Variants in ZC3H7B observed in about 807,000 individuals in gnomAD.
ZC3H7B encodes the protein zinc finger CCCH domain-containing protein 7B.
Under a neutral mutation model 116.0 loss-of-function variants are expected in ZC3H7B, and 35 were observed. The ratio of observed to expected loss-of-function variants is 0.30; its 90% CI spans 0.23 to 0.40. The LOEUF (loss-of-function observed/expected upper bound fraction) is 0.40. Ranked by LOEUF, ZC3H7B falls within the 10% of genes least tolerant of loss-of-function variation. The pLI is 1.00. For synonymous variants in ZC3H7B, 502 were observed against 545.6 expected (o/e 0.92, Z 1.11); for missense variants, 1,011 against 1,321.5 (o/e 0.77, Z 3.64).
intron 6 of ZC3H7B, among the ~76,000 whole-genome samples, chr22:41,330,994 C>T (rs1043686228): frequency 1.7e-4 from 25 of 145,230 alleles, no homozygotes; most frequent in Admixed American, 2.1e-4. Flanking sequence ...TCGGCCTCTC[C>T]GAGTAGCTGG....
chr22:41,356,601 C>T (rs2036721720), intron 21 of ZC3H7B, 44 bp from the exon 22 acceptor site: 1 of 1,611,862 alleles, frequency 6.2e-7, no homozygotes, highest in Admixed American at 1.7e-5. Context: ...GTGGTCCGGG[C>T]AGAGGTGTGG....
chr22:41,318,773 ATC>A (rs1388813041), intron 1 of ZC3H7B, among the ~76,000 whole-genome samples: 3 of 152,028 alleles, frequency 2.0e-5, no homozygotes, highest in Non-Finnish European at 4.4e-5. Context: ...CTTCCTGCTA[ATC>A]TCTCTGACCT....
chr22:41,309,878 A>G (rs1278892598), intron 1 of ZC3H7B, among the ~76,000 whole-genome samples: 1 of 152,058 alleles, frequency 6.6e-6, no homozygotes, highest in Non-Finnish European at 1.5e-5. Context: ...CCCTTGCCAA[A>G]CAGCCCACGA....
intron 10 of ZC3H7B, among the ~76,000 whole-genome samples, chr22:41,340,881 G>T (rs1166747812): frequency 6.6e-6 from 1 of 152,160 alleles, no homozygotes; most frequent in Non-Finnish European, 1.5e-5. Flanking sequence ...GCAAGTTTAA[G>T]CAAAGAGTGG....
At chr22:41,320,960 C>T (rs1381582981) in intron 2 of ZC3H7B, among the ~76,000 whole-genome samples, 1 of 152,170 alleles carries the variant, frequency 6.6e-6, no homozygotes, top group Non-Finnish European at 1.5e-5. Flanking sequence ...TAATTCTGCC[C>T]TCACCCTTCA....
rs936073423 is a variant in ZC3H7B at position 41,342,407 on chromosome 22, G to C, written c.1198-122G>C. On this transcript the variant is annotated intron_variant, in intron 11 of 22. Coordinates refer to ENST00000352645, the MANE Select transcript of ZC3H7B (RefSeq NM_017590.6). Reference sequence around the variant, plus strand: ...AGGAAGAGGAAGGGTCCTGGGCTGTGGTTTTGCTCTTGGGTAGGATAGGGG... The same window carrying C: ...AGGAAGAGGAAGGGTCCTGGGCTGTCGTTTTGCTCTTGGGTAGGATAGGGG... 6.1e-5 allele frequency: 50 copies of C among 820,162 alleles called. 1 individual carries two copies. The highest frequency in any genetic ancestry group is 4.4e-4 in the Admixed American group (21 of 47,954). 50.8% of individuals were successfully genotyped at this position (820,162 alleles called of 1,614,324 possible).
Position 41,325,860 on chromosome 22 carries a change from T to C in ZC3H7B, c.227T>C (p.Leu76Pro). 6.2e-7 allele frequency: 1 copy of C among 1,612,294 alleles called. No homozygotes were observed. The highest frequency in any genetic ancestry group is 8.5e-7 in the Non-Finnish European group (1 of 1,179,662). The change falls in exon 4 of 23, where the codon CTG (leucine) becomes CCG (proline). Residue 76 changes from leucine (L) to proline (P), a missense_variant. By Grantham distance (98) the Leu-to-Pro change is moderately conservative (BLOSUM62 -3). Coordinates refer to ENST00000352645, the MANE Select transcript of ZC3H7B (RefSeq NM_017590.6). ...TACGCTGCCTCTGACCAGGTGGCCC[T>C]GCCCCGGGAGCTGCTGTGCAAGCTG... ...ADYAASDQVALPRELLCKLHV... is the reference protein window; with the variant it reads ...ADYAASDQVAPPRELLCKLHV...
intron 6 of ZC3H7B, among the ~76,000 whole-genome samples, chr22:41,331,719 A>G (rs912906746): frequency 6.6e-6 from 1 of 151,916 alleles, no homozygotes; most frequent in South Asian, 2.1e-4. Context: ...AAAAGTACAA[A>G]AATTAGCCTG....
chr22:41,337,832 G>C (rs1259946169), intron 7 of ZC3H7B, among the ~76,000 whole-genome samples: 1 of 151,436 alleles, frequency 6.6e-6, no homozygotes, highest in Non-Finnish European at 1.5e-5. Context: ...CCCCTTGCTG[G>C]GCACCACAGG....
intron 1 of ZC3H7B, among the ~76,000 whole-genome samples, chr22:41,307,790 C>CT (rs1468979175): frequency 2.0e-5 from 3 of 152,150 alleles, no homozygotes; most frequent in Non-Finnish European, 4.4e-5. Context: ...CTCAGAAAGA[C>CT]TAAGTTAACA....
intron 13 of ZC3H7B, among the ~76,000 whole-genome samples, chr22:41,344,476 C>T (rs1413147176): frequency 6.6e-6 from 1 of 152,240 alleles, no homozygotes; most frequent in African/African-American, 2.4e-5. Context: ...TGCACTGACC[C>T]TCCCTGATTC....
Position 41,358,666 on chromosome 22 carries a change from C to A in ZC3H7B, c.*1237C>A. On this transcript the variant is annotated 3_prime_UTR_variant, in exon 23 of 23. Coordinates refer to ENST00000352645, the MANE Select transcript of ZC3H7B (RefSeq NM_017590.6). ...TATAACCGTCTGTCCTAGCCCCTCC[C>A]TAATCCCTGGCCCTCCCAGCTGTCT... 6.5e-6 allele frequency: 1 copy of A among 154,766 alleles called. No homozygotes were observed. 9.6% of individuals were successfully genotyped at this position (154,766 alleles called of 1,614,324 possible).
rs914713087 is a variant in ZC3H7B, at chr22:41,357,802, A to G, written c.*373A>G. ...GCCTGGGGTCCCCACTTGAATCTCC[A>G]GCAGGAGGGTCCTTCTCTCCCTGGC... On this transcript the variant is annotated 3_prime_UTR_variant, in exon 23 of 23. Coordinates refer to ENST00000352645, the MANE Select transcript of ZC3H7B (RefSeq NM_017590.6). This position sits in a 1 kb window ranked among gnomAD's most constrained non-coding sequence, Gnocchi z 5.4. The G allele has an allele frequency of 1.7e-5, 5 of 286,872 alleles. No homozygotes were observed. The highest frequency in any genetic ancestry group is 2.7e-5 in the Non-Finnish European group (4 of 149,322). The allele number at this position is 286,872 out of a possible 1,614,324, so 17.8% of individuals were successfully genotyped here.
chr22:41,330,804 T>C (rs985522164), intron 6 of ZC3H7B, among the ~76,000 whole-genome samples: 2 of 148,398 alleles, frequency 1.3e-5, no homozygotes, highest in Admixed American at 1.3e-4. Flanking sequence ...TAGCTTGGGG[T>C]GGTGGCACAT....
Position 41,356,072 on chromosome 22 carries a change from C to T in ZC3H7B, c.2383+10C>T, listed in dbSNP as rs1347860996. 1 of 1,559,236 alleles carries T rather than the reference C, an allele frequency of 6.4e-7. No individual in the cohort carries two copies. The highest frequency in any genetic ancestry group is 1.7e-4 in the Middle Eastern group (1 of 5,816). On this transcript the variant is annotated intron_variant, in intron 20 of 22. Transcript: ENST00000352645. ...ATGAAGGAGAACAAGAGTGAGTGGG[C>T]AGACGGGGCGGGCGGGCCCTCCCCC...
Position 41,351,713 on chromosome 22 carries a change from G to T in ZC3H7B, c.2034+67G>T. The T allele has an allele frequency of 6.7e-7, 1 of 1,494,664 alleles. No individual in the cohort carries two copies. Among genetic ancestry groups the T allele is most frequent in the Non-Finnish European group, 9.1e-7 (1 of 1,094,300 alleles). The allele number at this position is 1,494,664 out of a possible 1,614,324, so 92.6% of individuals were successfully genotyped here. ...ATTGTCCCCAAATTACAAACAGGAA[G>T]GCTCTAATTTTACAATAGAGAAATG... is the stretch of plus-strand genomic sequence containing the variant. On this transcript the variant is annotated intron_variant, in intron 17 of 22. Transcript: ENST00000352645. This position sits in a 1 kb window ranked among gnomAD's most constrained non-coding sequence, Gnocchi z 5.1.
intron 1 of ZC3H7B, among the ~76,000 whole-genome samples, chr22:41,314,037 C>T (rs911551448): frequency 6.6e-6 from 1 of 151,036 alleles, no homozygotes; most frequent in Admixed American, 6.6e-5. Flanking sequence ...TTATAGGCGT[C>T]AGCTACCGCG....
At position 41,327,227 on chromosome 22, in the gene ZC3H7B, G is replaced by A; in HGVS notation, c.307G>A (p.Glu103Lys). 1 of 1,613,992 alleles carries A rather than the reference G, an allele frequency of 6.2e-7. No homozygotes were observed. Among genetic ancestry groups the A allele is most frequent in the Non-Finnish European group, 8.5e-7 (1 of 1,180,026 alleles). The change falls in exon 5 of 23, where the codon GAG (glutamate) becomes AAG (lysine). Residue 103 changes from glutamate to lysine, a missense_variant. By Grantham distance (56) the Glu-to-Lys change is moderately conservative. Coordinates refer to ENST00000352645, the MANE Select transcript of ZC3H7B (RefSeq NM_017590.6). The surrounding 1 kb of genome is among the most constrained non-coding windows in gnomAD (Gnocchi z 4.5). Reference sequence around the variant, plus strand: ...GCAGGGCCTGTATGAGAAGGCGCTGGAGGACAGCGAGAAGGCGCTGGGCCT... The same window carrying A: ...GCAGGGCCTGTATGAGAAGGCGCTGAAGGACAGCGAGAAGGCGCTGGGCCT... ...FTMGLYEKAL[E>K]DSEKALGLDS...
rs1265836166 is a variant in ZC3H7B, at chr22:41,340,085, C to T, written c.1086C>T (p.Leu362=). The T allele has an allele frequency of 7.4e-6, 12 of 1,611,922 alleles. No homozygotes were observed. The highest frequency in any genetic ancestry group is 1.3e-5 in the African/African-American group (1 of 74,926). Residue 362 remains leucine, a synonymous_variant, in exon 10 of 23, where the codon CTC becomes CTT. Transcript: ENST00000352645. ...ACTCGGAGACCCGGCTGGATGCACT[C>T]GACAGCTTTGGGTCGACACGAGGCT... ...LPYSETRLDA[L]DSFGSTRGSL... is the part of the protein sequence containing the mutation.
Sources: gnomAD v4.1 joint callset for allele counts (sites outside exome capture counted in the v4.1 genomes callset) on GRCh38, gnomAD v4.1.1 for gene constraint, Gnocchi (gnomAD v3.1) non-coding constraint, MANE v1.5 for transcripts, NCBI Gene and HGNC (gene_info 2026-07-23, HGNC 2026-07-21) for gene names.